ATAD2B: variants seen among roughly 807,000 people sequenced by gnomAD.
ATAD2B encodes the protein ATPase family AAA domain containing 2B.
ATAD2B carries 40 observed loss-of-function variants against 167.6 expected under a neutral mutation model. The ratio of observed to expected loss-of-function variants is 0.24; its 90% CI spans 0.19 to 0.31. The LOEUF is 0.31. Among genes scored for constraint, ATAD2B ranks in the 10% least tolerant of loss-of-function variants. The pLI is 1.00. For synonymous variants in ATAD2B, 579 were observed against 596.5 expected (o/e 0.97, Z 0.43); for missense variants, 1,242 against 1,757.2 (o/e 0.71, Z 5.24).
At chr2:23,801,066 T>C (rs1176796319) in intron 18 of ATAD2B, among the ~76,000 whole-genome samples, 1 of 152,138 alleles carries the variant, frequency 6.6e-6, no homozygotes, top group African/African-American at 2.4e-5. Flanking sequence ...AAACAAGCTT[T>C]CTTTTAAATT....
At chr2:23,888,998 T>C (rs767177797) in intron 2 of ATAD2B, among the ~76,000 whole-genome samples, 1 of 152,220 alleles carries the variant, frequency 6.6e-6, no homozygotes, top group African/African-American at 2.4e-5. Context: ...AAAGTCACCA[T>C]ACTTCTTAGT....
At chr2:23,868,305 C>CTGAT (rs963782265) in intron 9 of ATAD2B, among the ~76,000 whole-genome samples, 9 of 152,252 alleles carry the variant, frequency 5.9e-5, no homozygotes, top group Middle Eastern at 3.4e-3. Context: ...AATTAAGCTA[C>CTGAT]TGATTGATTG....
At chr2:23,758,644 T>C (rs1228650027) in intron 24 of ATAD2B, among the ~76,000 whole-genome samples, 2 of 152,238 alleles carry the variant, frequency 1.3e-5, no homozygotes, top group Non-Finnish European at 2.9e-5. Flanking sequence ...AAGTTAAGTA[T>C]GACCATGGAT....
intron 1 of ATAD2B, among the ~76,000 whole-genome samples, chr2:23,918,603 T>C (rs1323584496): frequency 6.6e-6 from 1 of 152,184 alleles, no homozygotes; most frequent in East Asian, 1.9e-4. Flanking sequence ...TATATGTTAC[T>C]ATTCATACTT....
At chr2:23,867,429 C>G (rs1176318073) in intron 10 of ATAD2B, among the ~76,000 whole-genome samples, 1 of 152,222 alleles carries the variant, frequency 6.6e-6, no homozygotes, top group Non-Finnish European at 1.5e-5. Context: ...ACCATGACCA[C>G]TACTCCAGAT....
At chr2:23,721,755 G>A in the ATAD2B span, among the ~76,000 whole-genome samples, 4 of 151,694 alleles carry the variant, frequency 2.6e-5, no homozygotes, top group Non-Finnish European at 4.4e-5. Context: ...CAGGCCAACT[G>A]AGCAGTCATG....
chr2:23,720,269 G>C, the ATAD2B span, among the ~76,000 whole-genome samples: 1 of 152,122 alleles, frequency 6.6e-6, no homozygotes. Context: ...CCTACCTATG[G>C]TGATCAAAAG....
At chr2:23,713,460 C>A in the ATAD2B span, among the ~76,000 whole-genome samples, 1 of 152,050 alleles carries the variant, frequency 6.6e-6, no homozygotes, top group Non-Finnish European at 1.5e-5. Flanking sequence ...TACACTTCAC[C>A]CTTTTAAAGT....
chr2:23,797,669 T>C (rs2712059), intron 19 of ATAD2B, among the ~76,000 whole-genome samples: 28,166 of 152,058 alleles, frequency 0.19, 2,713 homozygotes, highest in Middle Eastern at 0.26. Flanking sequence ...GGGGATGGGA[T>C]CCAAGTCTAA....
intron 1 of ATAD2B, among the ~76,000 whole-genome samples, chr2:23,915,583 A>ATTT (rs1553459298): frequency 2.8e-5 from 3 of 106,720 alleles, no homozygotes; most frequent in African/African-American, 3.5e-5. Context: ...CTGACTACCG[A>ATTT]TTCTTTTTTT....
chr2:23,789,103 TC>T (rs1681260622), intron 19 of ATAD2B, among the ~76,000 whole-genome samples: 1 of 152,114 alleles, frequency 6.6e-6, no homozygotes, highest in Non-Finnish European at 1.5e-5. Flanking sequence ...CAAGTCTATT[TC>T]ACTGTAATCT....
intron 13 of ATAD2B, among the ~76,000 whole-genome samples, chr2:23,849,738 G>C (rs1371672249): frequency 6.6e-6 from 1 of 152,170 alleles, no homozygotes; most frequent in East Asian, 1.9e-4. Flanking sequence ...TGAGGCAGAA[G>C]AATCACTTGA....
chr2:23,722,275 C>T, the ATAD2B span, among the ~76,000 whole-genome samples: 4 of 152,052 alleles, frequency 2.6e-5, no homozygotes, highest in African/African-American at 4.8e-5. Context: ...ATACATGAAA[C>T]GCCAGAAAAA....
chr2:23,801,954 A>G lies in ATAD2B; in HGVS notation c.2455-3631T>C, dbSNP rs534662917. Among the ~76,000 whole-genome samples, 11 of 152,244 alleles carry G rather than the reference A, an allele frequency of 7.2e-5. No homozygotes were observed. The East Asian group carries it at 2.1e-3, about 29-fold the overall frequency. ...TAGTGTATTTTTAAACTAAGAATTT[A>G]TAGTCCCACAACAAGCCATTTCCTT... On this transcript the variant is annotated intron_variant, in intron 18 of 27. Coordinates refer to ENST00000238789, the MANE Select transcript of ATAD2B (RefSeq NM_017552.4).
chr2:23,888,434 C>A (rs1573270925), intron 2 of ATAD2B, 35 bp from the exon 3 acceptor site: 3 of 1,369,444 alleles, frequency 2.2e-6, no homozygotes, highest in Non-Finnish European at 3.0e-6. Flanking sequence ...GCAAACACAT[C>A]AACATTTGCT....
chr2:23,776,638 C>A (rs1006534254), intron 22 of ATAD2B, among the ~76,000 whole-genome samples: 5 of 152,160 alleles, frequency 3.3e-5, no homozygotes, highest in African/African-American at 1.2e-4. Context: ...ATGCCCTTCC[C>A]AATCTTGCTA....
intron 13 of ATAD2B, among the ~76,000 whole-genome samples, chr2:23,856,911 T>G (rs1047648159): frequency 1.3e-5 from 2 of 151,568 alleles, no homozygotes; most frequent in East Asian, 3.9e-4. Flanking sequence ...AAACTTTTTC[T>G]GTAAAAGGTC....
At chr2:23,905,858 C>G (rs534341923) in intron 1 of ATAD2B, among the ~76,000 whole-genome samples, 1 of 152,138 alleles carries the variant, frequency 6.6e-6, no homozygotes, top group Non-Finnish European at 1.5e-5. Flanking sequence ...AAGGTAGTCC[C>G]TGCCTTTCAT....
intron 13 of ATAD2B, 146 bp downstream of exon 13, chr2:23,857,269 T>C: frequency 2.0e-6 from 1 of 489,700 alleles, no homozygotes. Context: ...TGCTGACCCC[T>C]GTACTAAGAG....
Sources: gnomAD v4.1 joint callset for allele counts (sites outside exome capture counted in the v4.1 genomes callset) on GRCh38, gnomAD v4.1.1 for gene constraint, MANE v1.5 for transcripts, NCBI Gene and HGNC (gene_info 2026-07-23, HGNC 2026-07-21) for gene names.